SGMS2: variants seen among roughly 807,000 people sequenced by gnomAD.
The protein encoded by SGMS2 is sphingomyelin synthase 2.
SGMS2 carries 21 observed loss-of-function variants against 43.8 expected under a neutral mutation model. The ratio of observed to expected loss-of-function variants is 0.48; its 90% CI spans 0.34 to 0.69. SGMS2 has a LOEUF of 0.69. SGMS2 is among the 30% of genes least tolerant of loss of function. SGMS2 has a pLI of 0.01. For synonymous variants in SGMS2, 167 were observed against 160.6 expected, an observed-to-expected ratio of 1.04 and a Z score of -0.30; for missense variants, 384 against 443.2, an observed-to-expected ratio of 0.87 and a Z score of 1.20.
chr4:107,908,216 G>T, intron 5 of SGMS2: 1 of 178,840 alleles, frequency 5.6e-6, no homozygotes, highest in Non-Finnish European at 1.2e-5. Context: ...CAGTGGGAAA[G>T]TGGCTCCTTT....
intron 2 of SGMS2, among the ~76,000 whole-genome samples, chr4:107,868,428 T>A (rs1193175311): frequency 2.6e-5 from 4 of 152,308 alleles, no homozygotes; most frequent in Non-Finnish European, 5.9e-5. Context: ...TTCTTAAAGT[T>A]GCTGCCCGCC....
chr4:107,896,156 A>G (rs1730654764), intron 3 of SGMS2, 148 bp downstream of exon 3: 1 of 753,636 alleles, frequency 1.3e-6, no homozygotes. Flanking sequence ...AAGCTCTACC[A>G]CATTGAATAA....
At chr4:107,833,352 GAATAATGGCTCCCCAAA>G (rs1356196759) in intron 1 of SGMS2, among the ~76,000 whole-genome samples, 1 of 152,190 alleles carries the variant, frequency 6.6e-6, no homozygotes, top group African/African-American at 2.4e-5. Flanking sequence ...GTAGTAAGCA[GAATAATGGCTCCCCAAA>G]GATGTTCACA....
At chr4:107,832,472 G>T (rs1725944783) in intron 1 of SGMS2, among the ~76,000 whole-genome samples, 1 of 152,100 alleles carries the variant, frequency 6.6e-6, no homozygotes, top group Admixed American at 6.5e-5. Flanking sequence ...AACACAGGGG[G>T]GTTAAGTCAC....
intron 2 of SGMS2, chr4:107,874,207 CATT>C (rs1728749866): frequency 6.6e-6 from 1 of 152,150 alleles, no homozygotes; most frequent in Admixed American, 6.6e-5. Context: ...ACTCCACAAT[CATT>C]ATTGTGCCAG....
chr4:107,865,130 T>G (rs1728023178), intron 2 of SGMS2, among the ~76,000 whole-genome samples: 2 of 152,240 alleles, frequency 1.3e-5, no homozygotes, highest in African/African-American at 4.8e-5. Flanking sequence ...TTTATATTTG[T>G]TTGTTCCAAG....
In SGMS2 at chr4:107,836,213, AC is replaced by A. The variant is rs759754543; in HGVS notation, c.-327+10962del. On this transcript the variant is annotated intron_variant, in intron 1 of 6. Transcript: ENST00000690982. ...CACTCAGTTGCCACATGTGGCTGGC[AC>A]CTCCTGTACTGGGCACTGCAGCTCT... Among the ~76,000 whole-genome samples, 98 of 152,276 alleles carry A rather than the reference AC, an allele frequency of 6.4e-4. 1 individual carries two copies. The highest frequency in any genetic ancestry group is 1.7e-3 in the Admixed American group (26 of 15,294).
rs1207266132 is a variant in SGMS2 at position 107,903,296 on chromosome 4, T to C, written c.637T>C (p.Ser213Pro). The C allele has an allele frequency of 5.0e-6, 8 of 1,614,028 alleles. No homozygotes were observed. Among genetic ancestry groups the C allele is most frequent in the Admixed American group, 3.3e-5 (2 of 60,004 alleles). The change falls in exon 5 of 7, where the codon TCC (serine) becomes CCC (proline). Residue 213 changes from serine to proline, a missense_variant. Transcript: ENST00000690982. ...ILRLISGGGLSITGSHILCGD... is the reference protein window; with the variant it reads ...ILRLISGGGLPITGSHILCGD... ...ACGATTGATTTCTGGTGGTGGATTG[T>C]CCATAACTGGATCACATATCTTATG...
intron 2 of SGMS2, among the ~76,000 whole-genome samples, chr4:107,889,557 G>A (rs1457764661): frequency 6.6e-6 from 1 of 152,002 alleles, no homozygotes; most frequent in Non-Finnish European, 1.5e-5. Context: ...ATTAATTAGA[G>A]CTTTTTAATA....
chr4:107,850,923 C>T (rs1297650067), intron 1 of SGMS2, among the ~76,000 whole-genome samples: 1 of 152,146 alleles, frequency 6.6e-6, no homozygotes, highest in East Asian at 1.9e-4. Context: ...GAGTGTACCC[C>T]TCATTTCACT....
At chr4:107,866,386 C>A (rs1728122764) in intron 2 of SGMS2, among the ~76,000 whole-genome samples, 1 of 151,866 alleles carries the variant, frequency 6.6e-6, no homozygotes, top group South Asian at 2.1e-4. Context: ...GCTAACATGG[C>A]AAAACCCTGT....
At chr4:107,904,114 T>C (rs1415619168) in intron 5 of SGMS2, among the ~76,000 whole-genome samples, 1 of 152,192 alleles carries the variant, frequency 6.6e-6, no homozygotes, top group East Asian at 1.9e-4. Context: ...AGGTCTCATT[T>C]TTATATATTT....
chr4:107,857,784 A>G (rs1029066646), intron 1 of SGMS2, among the ~76,000 whole-genome samples: 1 of 152,232 alleles, frequency 6.6e-6, no homozygotes. Context: ...TGCACAGCAC[A>G]TCAACCTAAG....
intron 2 of SGMS2, chr4:107,894,510 C>G (rs968074844): frequency 2.0e-5 from 3 of 152,056 alleles, no homozygotes; most frequent in Non-Finnish European, 4.4e-5. Context: ...TCTGGAGGCC[C>G]GTTTCTGTTG....
rs1732349287 is a variant in SGMS2 at position 107,914,723 on chromosome 4, T to C, written c.*4170T>C. 1 of 152,154 alleles carries C rather than the reference T, an allele frequency of 6.6e-6. No homozygotes were observed. The highest frequency in any genetic ancestry group is 1.5e-5 in the Non-Finnish European group (1 of 68,008). The allele number at this position is 152,154 out of a possible 1,614,324, so 9.4% of individuals were successfully genotyped here. A position where few individuals can be genotyped will look rare whatever the true frequency, so the allele number is the denominator to read the frequency against. On this transcript the variant is annotated 3_prime_UTR_variant, in exon 7 of 7. Coordinates refer to ENST00000690982, the MANE Select transcript of SGMS2 (RefSeq NM_001375905.1). The stretch of plus-strand genomic sequence containing the variant: ...TCTTTTTTCCTACCCACCAGTACCT[T>C]AATCATTGGTTTATCACATTGGATT...
At position 107,892,937 on chromosome 4, in the gene SGMS2, T is replaced by C. The variant is rs1730351693; in HGVS notation, c.-244-2373T>C. On this transcript the variant is annotated intron_variant, in intron 2 of 6. Transcript: ENST00000690982. ...GAATGAATATGTTGTGATCATTATC[T>C]TGATGACAAACATTTCGTCCCAAGA... The C allele has an allele frequency of 1.3e-5, 2 of 152,176 alleles. 1 individual carries two copies. The highest frequency in any genetic ancestry group is 4.1e-4 in the South Asian group (2 of 4,826). The allele number at this position is 152,176 out of a possible 1,614,324, so 9.4% of individuals were successfully genotyped here. A position where few individuals can be genotyped will look rare whatever the true frequency, so the allele number is the denominator to read the frequency against.
chr4:107,909,905 T>G (rs1277394716), intron 6 of SGMS2, among the ~76,000 whole-genome samples: 1 of 152,232 alleles, frequency 6.6e-6, no homozygotes, highest in Non-Finnish European at 1.5e-5. Flanking sequence ...TATTTTGTAG[T>G]CTCCCATTTC....
At chr4:107,837,242 A>C (rs992214426) in intron 1 of SGMS2, among the ~76,000 whole-genome samples, 2 of 152,228 alleles carry the variant, frequency 1.3e-5, no homozygotes, top group African/African-American at 4.8e-5. Context: ...GTTGAAAAGC[A>C]GGACTGATAG....
chr4:107,889,498 A>G (rs1730029299), intron 2 of SGMS2, among the ~76,000 whole-genome samples: 1 of 152,008 alleles, frequency 6.6e-6, no homozygotes, highest in Non-Finnish European at 1.5e-5. Flanking sequence ...TTAGTCTCTT[A>G]TTTTTTCCTG....
Sources: allele counts gnomAD v4.1 joint callset (sites outside exome capture counted in the v4.1 genomes callset), GRCh38; gene constraint gnomAD v4.1.1; transcripts MANE v1.5; gene names NCBI Gene and HGNC (gene_info 2026-07-23, HGNC 2026-07-21).